The following TAF1A variants were observed in gnomAD, a reference collection of about 807,000 sequenced individuals.
TAF1A encodes the protein TATA box-binding protein-associated factor RNA polymerase I subunit A.
TAF1A carries 42 observed loss-of-function variants against 61.6 expected under a neutral mutation model. That is an observed-to-expected ratio of 0.68 (90% confidence interval 0.53 to 0.88). TAF1A has a LOEUF of 0.88. Ranked by LOEUF, TAF1A falls within the 40% of genes least tolerant of loss-of-function variation. The probability of loss-of-function intolerance (pLI) is 0.00; values close to 1 mark genes in which losing one functional copy is unlikely to be tolerated. For missense variants in TAF1A, 424 were observed against 518.7 expected, an observed-to-expected ratio of 0.82 and a Z score of 1.77; for synonymous variants, 179 against 177.7, an observed-to-expected ratio of 1.01 and a Z score of -0.06.
At chr1:222,585,803 T>C (rs918864172) in intron 2 of TAF1A, among the ~76,000 whole-genome samples, 5 of 150,056 alleles carry the variant, frequency 3.3e-5, no homozygotes, top group African/African-American at 1.2e-4. Context: ...TATTAAAAGC[T>C]TGTTCATAAT....
chr1:222,585,427 A>G (rs1434084257), intron 2 of TAF1A, among the ~76,000 whole-genome samples: 1 of 151,670 alleles, frequency 6.6e-6, no homozygotes, highest in African/African-American at 2.4e-5. Flanking sequence ...TACATAAAAA[A>G]TTGGGGAAAA....
chr1:222,581,338 TGGTTA>T (rs1057255340), intron 3 of TAF1A, among the ~76,000 whole-genome samples: 26 of 152,334 alleles, frequency 1.7e-4, no homozygotes, highest in African/African-American at 6.0e-4. Context: ...TTTCAATGAA[TGGTTA>T]AACTTTTTTT....
intron 10 of TAF1A, among the ~76,000 whole-genome samples, chr1:222,561,047 T>C (rs1659893515): frequency 6.6e-6 from 1 of 152,216 alleles, no homozygotes; most frequent in African/African-American, 2.4e-5. Flanking sequence ...ATTTTGACAC[T>C]TGAAAATCTC....
At chr1:222,581,531 C>A (rs1399928179) in intron 3 of TAF1A, among the ~76,000 whole-genome samples, 1 of 152,130 alleles carries the variant, frequency 6.6e-6, no homozygotes, top group Non-Finnish European at 1.5e-5. Flanking sequence ...GTGAAATTTA[C>A]ATTCTATGTA....
At chr1:222,564,970 C>T (rs958919506) in intron 7 of TAF1A, among the ~76,000 whole-genome samples, 14 of 152,116 alleles carry the variant, frequency 9.2e-5, no homozygotes, top group African/African-American at 3.4e-4. Flanking sequence ...CTGTATATGG[C>T]TCAATTCACT....
chr1:222,574,099 C>T (rs1425768428), intron 5 of TAF1A, among the ~76,000 whole-genome samples: 2 of 151,974 alleles, frequency 1.3e-5, no homozygotes, highest in Non-Finnish European at 2.9e-5. Context: ...TTAGTGGTTG[C>T]CTAGGACTGG....
Position 222,579,770 on chromosome 1 carries a change from T to G in TAF1A, c.394A>C (p.Asn132His), listed in dbSNP as rs780864235. ...GCCCATATTCTCACCTTTAAATAAT[T>G]CATGACGCCAATATTTTTCATCCGG... ...ANRMKNIGVM[N>H]YLKISLQHAL... The change falls in exon 4 of 11, where the codon AAT (asparagine) becomes CAT (histidine). Residue 132 changes from asparagine (N) to histidine (H), a missense_variant. Asn to His is a moderately conservative substitution (Grantham distance 68). Transcript: ENST00000352967. 1.1e-5 allele frequency: 17 copies of G among 1,609,824 alleles called. No individual in the cohort carries two copies. Among genetic ancestry groups the G allele is most frequent in the Non-Finnish European group, 1.4e-5 (17 of 1,178,904 alleles).
chr1:222,574,319 C>A (rs147792957), intron 5 of TAF1A, among the ~76,000 whole-genome samples: 3 of 152,224 alleles, frequency 2.0e-5, no homozygotes, highest in Middle Eastern at 3.4e-3. Context: ...CTACACCCAA[C>A]AAATTGGCTG....
intron 8 of TAF1A, among the ~76,000 whole-genome samples, 171 bp downstream of exon 8, chr1:222,563,888 G>A (rs556686048): frequency 2.6e-5 from 4 of 152,310 alleles, no homozygotes; most frequent in African/African-American, 7.2e-5. Flanking sequence ...ACACGGCTCT[G>A]TCACTATAGT....
intron 7 of TAF1A, among the ~76,000 whole-genome samples, chr1:222,567,270 GCA>G (rs1486259943): frequency 6.6e-6 from 1 of 152,174 alleles, no homozygotes; most frequent in Non-Finnish European, 1.5e-5. Flanking sequence ...ATGGAAATTA[GCA>G]CAGAGGTTTT....
intron 10 of TAF1A, among the ~76,000 whole-genome samples, chr1:222,561,157 AAAACC>A (rs1210730906): frequency 6.6e-6 from 1 of 152,200 alleles, no homozygotes; most frequent in Non-Finnish European, 1.5e-5. Context: ...TCAGGAGATG[AAAACC>A]GTTCACAATC....
At chr1:222,574,281 T>G (rs1252902615) in intron 5 of TAF1A, among the ~76,000 whole-genome samples, 1 of 152,008 alleles carries the variant, frequency 6.6e-6, no homozygotes, top group Admixed American at 6.5e-5. Flanking sequence ...TCAATAAAGC[T>G]ATAAAGAAAA....
At chr1:222,582,887 T>C (rs1449170711) in intron 3 of TAF1A, among the ~76,000 whole-genome samples, 1 of 152,032 alleles carries the variant, frequency 6.6e-6, no homozygotes, top group African/African-American at 2.4e-5. Context: ...ATGTCCAGAA[T>C]AGAAAATAGA....
At position 222,577,644 on chromosome 1, in the gene TAF1A, C is replaced by G. The variant is rs1346775581; in HGVS notation, c.406-1G>C. The G allele has an allele frequency of 1.2e-6, 2 of 1,613,326 alleles. No individual in the cohort carries two copies. Among genetic ancestry groups the G allele is most frequent in the Admixed American group, 3.3e-5 (2 of 59,994 alleles). On this transcript the variant is annotated splice_acceptor_variant, in intron 4 of 10. Transcript: ENST00000352967. LOFTEE classifies it high-confidence loss of function. ...GGTATAATGCATGTTGTAAGGAGAT[C>G]TGCAAAAATAATAAGGGTACACCGC...
chr1:222,584,623 G>A (rs1488089585), intron 2 of TAF1A, among the ~76,000 whole-genome samples: 5 of 152,064 alleles, frequency 3.3e-5, no homozygotes, highest in Non-Finnish European at 7.4e-5. Flanking sequence ...CACAGTCCCA[G>A]GTATTTAGAA....
At chr1:222,566,750 G>A (rs887398924) in intron 7 of TAF1A, among the ~76,000 whole-genome samples, 2 of 152,104 alleles carry the variant, frequency 1.3e-5, no homozygotes, top group African/African-American at 2.4e-5. Context: ...AACAGATACC[G>A]GTCCATGACC....
chr1:222,571,457 G>T (rs897256223), intron 5 of TAF1A, among the ~76,000 whole-genome samples: 1 of 152,066 alleles, frequency 6.6e-6, no homozygotes, highest in Non-Finnish European at 1.5e-5. Context: ...ATTTGCAGAT[G>T]ACATGGTCTT....
intron 3 of TAF1A, among the ~76,000 whole-genome samples, chr1:222,581,799 C>T (rs1003515663): frequency 2.0e-5 from 3 of 152,122 alleles, no homozygotes; most frequent in Non-Finnish European, 4.4e-5. Flanking sequence ...ATGCCTGGCC[C>T]ATTCAAGTAA....
At chr1:222,576,646 C>G (rs1298830372) in intron 5 of TAF1A, among the ~76,000 whole-genome samples, 4 of 152,130 alleles carry the variant, frequency 2.6e-5, no homozygotes, top group Non-Finnish European at 5.9e-5. Context: ...CTGGTATAGT[C>G]AATAAATCAA....
Sources: allele counts gnomAD v4.1 joint callset (sites outside exome capture counted in the v4.1 genomes callset), GRCh38; gene constraint gnomAD v4.1.1; transcripts MANE v1.5; gene names NCBI Gene and HGNC (gene_info 2026-07-23, HGNC 2026-07-21).